The following NIM1K variants were observed in gnomAD, a reference collection of about 807,000 sequenced individuals.
The protein encoded by NIM1K is NIM1 serine/threonine protein kinase.
Under a neutral mutation model 37.1 loss-of-function variants are expected in NIM1K, and 35 were observed. That is an observed-to-expected ratio of 0.94 (90% CI 0.72 to 1.25). The LOEUF (loss-of-function observed/expected upper bound fraction) is 1.25, where lower values mean the gene tolerates loss of function less well. Ranked by LOEUF, NIM1K falls within the 50% of genes most tolerant of loss-of-function variation. The pLI, the probability that NIM1K is intolerant of heterozygous loss-of-function variation, is 0.00. For missense variants in NIM1K, 564 were observed against 548.0 expected (o/e 1.03, Z -0.29); for synonymous variants, 234 against 206.6 (o/e 1.13, Z -1.14).
chr5:43,271,004 T>G (rs1261803797), intron 2 of NIM1K, among the ~76,000 whole-genome samples: 1 of 152,180 alleles, frequency 6.6e-6, no homozygotes, highest in Non-Finnish European at 1.5e-5. Flanking sequence ...CATGTTTATA[T>G]CATTTCCCCC....
At chr5:43,264,402 T>C (rs1579607563) in intron 2 of NIM1K, among the ~76,000 whole-genome samples, 2 of 152,320 alleles carry the variant, frequency 1.3e-5, no homozygotes, top group Admixed American at 1.3e-4. Flanking sequence ...TTTTGATCTT[T>C]GTTAGTTTAA....
chr5:43,257,002 G>C (rs1042726712), intron 2 of NIM1K, among the ~76,000 whole-genome samples: 1 of 152,138 alleles, frequency 6.6e-6, no homozygotes, highest in Non-Finnish European at 1.5e-5. Flanking sequence ...AGTGAGCAGG[G>C]TATTTATGCA....
intron 1 of NIM1K, among the ~76,000 whole-genome samples, chr5:43,196,791 G>C (rs1028747914): frequency 6.6e-6 from 1 of 151,368 alleles, no homozygotes; most frequent in Admixed American, 6.6e-5. Context: ...TTTTTTTCTT[G>C]AGACAGGTTC....
At chr5:43,264,576 T>G (rs1488830192) in intron 2 of NIM1K, among the ~76,000 whole-genome samples, 1 of 152,232 alleles carries the variant, frequency 6.6e-6, no homozygotes, top group Non-Finnish European at 1.5e-5. Context: ...TCTATCCAAT[T>G]TGCCAGTCTA....
At chr5:43,265,800 T>A (rs1753138463) in intron 2 of NIM1K, among the ~76,000 whole-genome samples, 1 of 152,202 alleles carries the variant, frequency 6.6e-6, no homozygotes, top group South Asian at 2.1e-4. Flanking sequence ...ACAGATGGGA[T>A]TTTGGTGTGG....
At chr5:43,210,307 A>C (rs1752185223) in intron 1 of NIM1K, among the ~76,000 whole-genome samples, 1 of 152,252 alleles carries the variant, frequency 6.6e-6, no homozygotes, top group Admixed American at 6.5e-5. Context: ...GTAAAACAAG[A>C]ATTTAAAACA....
chr5:43,251,845 C>T (rs189404919), intron 2 of NIM1K, among the ~76,000 whole-genome samples: 134 of 152,212 alleles, frequency 8.8e-4, no homozygotes, highest in African/African-American at 3.1e-3. Context: ...TGTTTCAGTT[C>T]AAATTTTAAA....
At chr5:43,219,582 T>C (rs1403508685) in intron 1 of NIM1K, among the ~76,000 whole-genome samples, 1 of 152,100 alleles carries the variant, frequency 6.6e-6, no homozygotes, top group Non-Finnish European at 1.5e-5. Context: ...GGGACAAATA[T>C]CCAAATGATA....
intron 1 of NIM1K, among the ~76,000 whole-genome samples, chr5:43,228,851 TTAAC>T (rs1350035391): frequency 6.6e-6 from 1 of 152,010 alleles, no homozygotes; most frequent in Non-Finnish European, 1.5e-5. Context: ...AATTAATTAA[TTAAC>T]TTTCTTTTCC....
At position 43,199,993 on chromosome 5, in the gene NIM1K, G is replaced by A. The variant is rs182870310; in HGVS notation, c.-695+7582G>A. Among the ~76,000 whole-genome samples the A allele has an allele frequency of 1.3e-3, 200 of 151,356 alleles. 1 individual carries two copies. Among genetic ancestry groups the A allele is most frequent in the African/African-American group, 4.6e-3 (190 of 41,214 alleles). ...CGGGTTCAAGTGATTCTCCTGCTTC[G>A]GCCTCCTGAGTAGCTGGGATTACAG... On this transcript the variant is annotated intron_variant, in intron 1 of 3. Transcript: ENST00000326035.
At chr5:43,241,945 A>C (rs1208935604) in intron 1 of NIM1K, among the ~76,000 whole-genome samples, 1 of 151,962 alleles carries the variant, frequency 6.6e-6, no homozygotes, top group Admixed American at 6.6e-5. Context: ...AGTAGGAGTG[A>C]GATAGGGGTT....
chr5:43,274,961 C>T (rs1753316099), intron 2 of NIM1K, among the ~76,000 whole-genome samples: 1 of 152,154 alleles, frequency 6.6e-6, no homozygotes, highest in Middle Eastern at 3.2e-3. Context: ...AATTCAAAGT[C>T]TGGTACAGTT....
intron 2 of NIM1K, among the ~76,000 whole-genome samples, chr5:43,270,046 G>T (rs987845770): frequency 6.6e-6 from 1 of 152,146 alleles, no homozygotes; most frequent in African/African-American, 2.4e-5. Context: ...GGCTGGTCTG[G>T]TAGTTACAAA....
At chr5:43,243,324 G>A (rs1209527281) in intron 1 of NIM1K, among the ~76,000 whole-genome samples, 1 of 152,130 alleles carries the variant, frequency 6.6e-6, no homozygotes, top group East Asian at 1.9e-4. Flanking sequence ...TCTGTCATAA[G>A]CTGCATGGTG....
At chr5:43,228,602 A>T (rs1752493622) in intron 1 of NIM1K, among the ~76,000 whole-genome samples, 1 of 151,772 alleles carries the variant, frequency 6.6e-6, no homozygotes, top group Non-Finnish European at 1.5e-5. Flanking sequence ...AGGCAGGCAG[A>T]TCGCTTGAAC....
At chr5:43,201,173 G>GC (rs1752014710) in intron 1 of NIM1K, among the ~76,000 whole-genome samples, 1 of 151,524 alleles carries the variant, frequency 6.6e-6, no homozygotes, top group African/African-American at 2.4e-5. Flanking sequence ...ACTTTGGGAG[G>GC]CCAAGGCGGG....
chr5:43,250,264 C>A (rs1291616192), intron 2 of NIM1K, among the ~76,000 whole-genome samples: 3 of 151,996 alleles, frequency 2.0e-5, no homozygotes, highest in African/African-American at 7.2e-5. Flanking sequence ...TATATATTAT[C>A]TATATATGTG....
intron 1 of NIM1K, among the ~76,000 whole-genome samples, chr5:43,222,184 G>T (rs947344595): frequency 6.6e-6 from 1 of 152,158 alleles, no homozygotes; most frequent in Non-Finnish European, 1.5e-5. Context: ...TTCCCCAGGG[G>T]ATTGTCAGCT....
intron 1 of NIM1K, among the ~76,000 whole-genome samples, chr5:43,205,429 A>G (rs550168932): frequency 7.1e-4 from 108 of 152,234 alleles, no homozygotes; most frequent in Non-Finnish European, 8.4e-4. Flanking sequence ...ATAAAATGCT[A>G]GCAACACTAC....
Sources: gnomAD v4.1 joint callset for allele counts (sites outside exome capture counted in the v4.1 genomes callset) on GRCh38, gnomAD v4.1.1 for gene constraint, MANE v1.5 for transcripts, NCBI Gene and HGNC (gene_info 2026-07-23, HGNC 2026-07-21) for gene names.